The following MMP25 variants were observed in gnomAD, a reference collection of about 807,000 sequenced individuals.
The protein encoded by MMP25 is matrix metalloproteinase-25.
In MMP25, 68 loss-of-function variants were observed where a neutral mutation model predicts 62.1. The ratio of observed to expected loss-of-function variants is 1.10; its 90% CI spans 0.90 to 1.34. The LOEUF (loss-of-function observed/expected upper bound fraction) is 1.34, where lower values mean the gene tolerates loss of function less well. Among genes scored for constraint, MMP25 ranks in the 40% most tolerant of loss-of-function variants. MMP25 has a pLI of 0.00. For missense variants in MMP25, 942 were observed against 792.5 expected, an observed-to-expected ratio of 1.19 and a Z score of -2.26; for synonymous variants, 407 against 345.6, an observed-to-expected ratio of 1.18 and a Z score of -1.97.
chr16:3,047,689 C>T (rs1007384292), intron 2 of MMP25, 142 bp downstream of exon 2: 1 of 899,096 alleles, frequency 1.1e-6, no homozygotes, highest in Non-Finnish European at 1.6e-6. Context: ...GGGCCTCAGG[C>T]GTTCATCTTT....
At chr16:3,047,890 A>G (rs1218312956) in intron 2 of MMP25, among the ~76,000 whole-genome samples, 1 of 143,924 alleles carries the variant, frequency 6.9e-6, no homozygotes, top group Non-Finnish European at 1.5e-5. Flanking sequence ...CCCAGGCTGG[A>G]GTGCAATGGT....
Position 3,060,339 on chromosome 16 carries a change from C to G in MMP25, c.*1241C>G, listed in dbSNP as rs1189465252. The G allele has an allele frequency of 6.6e-6, 1 of 152,378 alleles. No individual in the cohort carries two copies. The highest frequency in any genetic ancestry group is 2.4e-5 in the African/African-American group (1 of 41,402). The allele number at this position is 152,378 out of a possible 1,614,324, so 9.4% of individuals were successfully genotyped here. A position where few individuals can be genotyped will look rare whatever the true frequency, so the allele number is the denominator to read the frequency against. On this transcript the variant is annotated 3_prime_UTR_variant, in exon 10 of 10. Transcript: ENST00000336577. The stretch of plus-strand genomic sequence containing the variant: ...TGTGGGGGGCAGTAGCTGGCTGTTT[C>G]GTGGCATTTCTGTGGCTCTGCAGTG...
chr16:3,058,151 C>T lies in MMP25; in HGVS notation c.1007-30C>T, dbSNP rs201830053. The stretch of plus-strand genomic sequence containing the variant: ...GGAGGAGACCTCCTGCTGTCTCATG[C>T]CTTCCTGCGAACCCCTTTGTCCCCT... On this transcript the variant is annotated intron_variant, in intron 7 of 9. Coordinates refer to ENST00000336577, the MANE Select transcript of MMP25 (RefSeq NM_022468.5). 1,083 of 1,605,086 alleles carry T rather than the reference C, an allele frequency of 6.7e-4. 3 individuals are homozygous for T. The highest frequency in any genetic ancestry group is 3.8e-3 in the Middle Eastern group (23 of 6,018).
In MMP25 at chr16:3,049,410, A is replaced by C. The variant is rs185411237; in HGVS notation, c.233-599A>C. Among the ~76,000 whole-genome samples the C allele has an allele frequency of 4.7e-3, 715 of 152,256 alleles. 6 individuals carry two copies. The highest frequency in any genetic ancestry group is 0.02 in the Middle Eastern group (6 of 294). On this transcript the variant is annotated intron_variant, in intron 2 of 9. Coordinates refer to ENST00000336577, the MANE Select transcript of MMP25 (RefSeq NM_022468.5). The stretch of plus-strand genomic sequence containing the variant: ...CAGCCTAGAACAGTGTCTGGCATCT[A>C]TATGTCCTTCATCACTATTTGCCGC...
At chr16:3,056,774 T>G in intron 4 of MMP25, 1 of 414,536 alleles carries the variant, frequency 2.4e-6, no homozygotes, top group Non-Finnish European at 4.3e-6. Context: ...GCCCCATCGG[T>G]GTGTAAGGTG....
chr16:3,057,958 C>T (rs897583302), intron 7 of MMP25: 2 of 590,884 alleles, frequency 3.4e-6, no homozygotes, highest in Admixed American at 6.7e-5. Context: ...CGGTGTCAGC[C>T]TCCCAATGTG....
rs1368832331 is a variant in MMP25 at position 3,056,583 on chromosome 16, T to G, written c.662-450T>G. On this transcript the variant is annotated intron_variant, in intron 4 of 9. Coordinates refer to ENST00000336577, the MANE Select transcript of MMP25 (RefSeq NM_022468.5). ...TGCGCCACCACTCCTGGCCAATTTT[T>G]AAAATTTTTTTGTAGAGATGGGGAT... is the stretch of plus-strand genomic sequence containing the variant. Among the ~76,000 whole-genome samples the G allele has an allele frequency of 2.6e-5, 4 of 151,938 alleles. No individual in the cohort carries two copies. In the East Asian group the frequency reaches 5.8e-4, roughly 22 times the overall value.
rs147675207 is a variant in MMP25, at chr16:3,057,365, G to A, written c.894G>A (p.Pro298=). 2.6e-5 allele frequency: 42 copies of A among 1,613,176 alleles called. No homozygotes were observed. Among genetic ancestry groups the A allele is most frequent in the Admixed American group, 3.3e-5 (2 of 59,868 alleles). The stretch of plus-strand genomic sequence containing the variant: ...CCACAAGGAAACCCCTGGCTCCTCC[G>A]CCCCAGCCCCCGGCCTCGCCCACAC... ...DKPTRKPLAP[P]PQPPASPTHS... The change falls in exon 6 of 10, where the codon CCG becomes CCA. Residue 298 remains proline, a synonymous_variant. Transcript: ENST00000336577.
At position 3,059,198 on chromosome 16, in the gene MMP25, G is replaced by C. The variant is rs1349682684; in HGVS notation, c.*100G>C. 17 of 1,345,550 alleles carry C rather than the reference G, an allele frequency of 1.3e-5. No individual in the cohort carries two copies. Among genetic ancestry groups the C allele is most frequent in the Non-Finnish European group, 1.7e-5 (17 of 1,024,150 alleles). The allele number at this position is 1,345,550 out of a possible 1,614,324, so 83.4% of individuals were successfully genotyped here. On this transcript the variant is annotated 3_prime_UTR_variant, in exon 10 of 10. Transcript: ENST00000336577. The stretch of plus-strand genomic sequence containing the variant: ...GAGGCGCTGCGGAGGCCCCTTGTCT[G>C]TTCCCACGGACGGGGGCTCGGGCGC...
chr16:3,057,035 G>C lies in MMP25; in HGVS notation c.664G>C (p.Gly222Arg). 6.4e-7 allele frequency: 1 copy of C among 1,567,510 alleles called. No homozygotes were observed. Among genetic ancestry groups the C allele is most frequent in the African/African-American group, 1.4e-5 (1 of 73,722 alleles). The change falls in exon 5 of 10, where the codon GGC (glycine) becomes CGC (arginine). Residue 222 changes from glycine to arginine, a missense_variant and splice_region_variant. By Grantham distance (125) the Gly-to-Arg change is moderately radical. Transcript: ENST00000336577. ...EETWTFGSKD[G>R]EGTDLFAVAV... The stretch of plus-strand genomic sequence containing the variant: ...CTCTCACCCACTTTCTCCTGCAGAC[G>C]GCGAGGGGACCGACCTGTTTGCCGT...
In MMP25 at chr16:3,059,486, G is replaced by A; in HGVS notation, c.*388G>A. 1 of 181,634 alleles carries A rather than the reference G, an allele frequency of 5.5e-6. No homozygotes were observed. The highest frequency in any genetic ancestry group is 1.1e-5 in the Non-Finnish European group (1 of 87,780). 11.3% of individuals were successfully genotyped at this position (181,634 alleles called of 1,614,324 possible). A position where few individuals can be genotyped will look rare whatever the true frequency, so the allele number is the denominator to read the frequency against. ...GGGCGGGCCCGCGGCCTCACCCGGA[G>A]GGACGGCAGCCCCGGTCGCGCGCTG... On this transcript the variant is annotated 3_prime_UTR_variant, in exon 10 of 10. Coordinates refer to ENST00000336577, the MANE Select transcript of MMP25 (RefSeq NM_022468.5).
At chr16:3,052,282 A>G (rs1235046801) in intron 4 of MMP25, 1 of 152,440 alleles carries the variant, frequency 6.6e-6, no homozygotes, top group East Asian at 1.9e-4. Context: ...AAGAGGAGCC[A>G]GTGACCAGAG....
chr16:3,058,741 G>A, intron 9 of MMP25, 72 bp downstream of exon 9: 5 of 1,525,944 alleles, frequency 3.3e-6, no homozygotes, highest in Non-Finnish European at 4.4e-6. Flanking sequence ...TGGGGACATG[G>A]AGGCCACCCT....
rs772841152 is a variant in MMP25, at chr16:3,050,393, A to C, written c.508A>C (p.Ile170Leu). 2 of 1,613,956 alleles carry C rather than the reference A, an allele frequency of 1.2e-6. No individual in the cohort carries two copies. Among genetic ancestry groups the C allele is most frequent in the Non-Finnish European group, 1.7e-6 (2 of 1,180,004 alleles). The change falls in exon 4 of 10, where the codon ATC becomes CTC. Residue 170 changes from isoleucine to leucine, a missense_variant. By Grantham distance (5) the Ile-to-Leu change is conservative. Transcript: ENST00000336577. ...TTCCCCCCAGGGCCAGGAGCCCGAC[A>C]TCCTCATCGACTTTGCCCGCGCCTT... The part of the protein sequence containing the change: ...VDSPQGQEPD[I>L]LIDFARAFHQ...
rs1955826501 is a variant in MMP25, at chr16:3,046,824, C to T, written c.-94C>T. 2 of 637,500 alleles carry T rather than the reference C, an allele frequency of 3.1e-6. No individual in the cohort carries two copies. The highest frequency in any genetic ancestry group is 4.8e-6 in the Non-Finnish European group (2 of 415,824). The allele number at this position is 637,500 out of a possible 1,614,324, so 39.5% of individuals were successfully genotyped here. A position where few individuals can be genotyped will look rare whatever the true frequency, so the allele number is the denominator to read the frequency against. ...CTACTCGGTGCCGGGTGCCCCCCGC[C>T]CTCTCCAGGCCCGGATCTCCTCCCC... On this transcript the variant is annotated 5_prime_UTR_variant, in exon 1 of 10. Transcript: ENST00000336577.
chr16:3,058,407 T>C lies in MMP25; in HGVS notation c.1160-5T>C. 1.3e-6 allele frequency: 2 copies of C among 1,543,612 alleles called. No homozygotes were observed. Among genetic ancestry groups the C allele is most frequent in the South Asian group, 1.2e-5 (1 of 83,030 alleles). On this transcript the variant is annotated splice_polypyrimidine_tract_variant and splice_region_variant and intron_variant, in intron 8 of 9. Transcript: ENST00000336577. ...ACCCCTGACCTCCCGGCCTCCACCC[T>C]GCAGGGCCCCAGTTCTGGGTGTTCC...
At position 3,059,531 on chromosome 16, in the gene MMP25, T is replaced by G; in HGVS notation, c.*433T>G. On this transcript the variant is annotated 3_prime_UTR_variant, in exon 10 of 10. Transcript: ENST00000336577. ...GCGCTGGCCCCGCAGGACCTTCCTTTTCCAGGAAGAGCCAGCTTTTCTCGG... is the reference window on the plus strand; with the variant it reads ...GCGCTGGCCCCGCAGGACCTTCCTTGTCCAGGAAGAGCCAGCTTTTCTCGG... The G allele has an allele frequency of 6.3e-6, 1 of 157,930 alleles. No individual in the cohort carries two copies. The highest frequency in any genetic ancestry group is 1.4e-5 in the Non-Finnish European group (1 of 72,124). 9.8% of individuals were successfully genotyped at this position (157,930 alleles called of 1,614,324 possible).
At chr16:3,048,827 A>G (rs182753193) in intron 2 of MMP25, among the ~76,000 whole-genome samples, 1 of 148,006 alleles carries the variant, frequency 6.8e-6, no homozygotes, top group African/African-American at 2.5e-5. Context: ...TTTTTTTTAG[A>G]CAGAGTCTCA....
intron 2 of MMP25, among the ~76,000 whole-genome samples, chr16:3,049,569 C>T (rs1416316798): frequency 6.6e-6 from 1 of 152,166 alleles, no homozygotes. Context: ...AGAGACCCAG[C>T]CGGCCTGGGC....
Sources: allele counts gnomAD v4.1 joint callset (sites outside exome capture counted in the v4.1 genomes callset), GRCh38; gene constraint gnomAD v4.1.1; transcripts MANE v1.5; gene names NCBI Gene and HGNC (gene_info 2026-07-23, HGNC 2026-07-21).